CYBC1: variants seen among roughly 807,000 people sequenced by gnomAD.
The protein encoded by CYBC1 is essential for reactive oxygen species protein.
A neutral mutation model predicts 21.7 loss-of-function variants in CYBC1; 22 were observed. The observed-to-expected ratio is 1.02, with a 90% CI of 0.73 to 1.45. The LOEUF (loss-of-function observed/expected upper bound fraction) is 1.45. CYBC1 is among the 40% of genes most tolerant of loss of function. The pLI is 0.00. For missense variants in CYBC1, 237 were observed against 242.1 expected, an observed-to-expected ratio of 0.98 and a Z score of 0.14; for synonymous variants, 112 against 98.7, an observed-to-expected ratio of 1.13 and a Z score of -0.80.
At chr17:82,447,665 CCCCACCT>C in intron 2 of CYBC1, 44 bp from the exon 3 acceptor site, 1 of 1,546,568 alleles carries the variant, frequency 6.5e-7, no homozygotes, top group South Asian at 1.2e-5. Context: ...CCCGGTAAGA[CCCCACCT>C]CCCTGGTGCA....
Position 82,444,126 on chromosome 17 carries a change from T to A in CYBC1, c.444-2A>T, listed in dbSNP as rs761919979. 1.2e-6 allele frequency: 2 copies of A among 1,608,898 alleles called. No homozygotes were observed. The highest frequency in any genetic ancestry group is 1.7e-6 in the Non-Finnish European group (2 of 1,176,292). Reference sequence around the variant, plus strand: ...AGCTTGGCGATGGCTTCCACATCACTGGGCGAGGCCGGCAACGGGAGGAAG... The same window carrying A: ...AGCTTGGCGATGGCTTCCACATCACAGGGCGAGGCCGGCAACGGGAGGAAG... On this transcript the variant is annotated splice_acceptor_variant, in intron 6 of 6. Transcript: ENST00000306645. LOFTEE classifies it high-confidence loss of function.
chr17:82,445,807 C>T, intron 5 of CYBC1, 57 bp downstream of exon 5: 1 of 1,377,026 alleles, frequency 7.3e-7, no homozygotes, highest in Non-Finnish European at 1.0e-6. Context: ...CACCCAGACG[C>T]CCAAGTGCGC....
chr17:82,443,724 G>A lies in CYBC1; in HGVS notation c.*280C>T, dbSNP rs1400829268. 4 of 789,178 alleles carry A rather than the reference G, an allele frequency of 5.1e-6. No individual in the cohort carries two copies. The Admixed American group carries it at 6.8e-5, about 13-fold the overall frequency. 48.9% of individuals were successfully genotyped at this position (789,178 alleles called of 1,614,324 possible). On this transcript the variant is annotated 3_prime_UTR_variant, in exon 7 of 7. Transcript: ENST00000306645. This position sits in a 1 kb window ranked among gnomAD's most constrained non-coding sequence, Gnocchi z 6.7. ...AGTGTGCAAGCAGCAGCATGAGCAG[G>A]CAATAGGCCAACTCGGCTGGAGGCA... is the stretch of plus-strand genomic sequence containing the variant.
In CYBC1 at chr17:82,443,560, G is replaced by A. The variant is rs772568394; in HGVS notation, c.*444C>T. ...ACCCACAAGGGCCCGGCCTGGCCCCGCCTCTCCACTCGCCCGAGGTCTTGC... is the reference window on the plus strand; with the variant it reads ...ACCCACAAGGGCCCGGCCTGGCCCCACCTCTCCACTCGCCCGAGGTCTTGC... On this transcript the variant is annotated 3_prime_UTR_variant, in exon 7 of 7. Transcript: ENST00000306645. This position sits in a 1 kb window ranked among gnomAD's most constrained non-coding sequence, Gnocchi z 6.7. 15 of 688,508 alleles carry A rather than the reference G, an allele frequency of 2.2e-5. No individual in the cohort carries two copies. The highest frequency in any genetic ancestry group is 1.3e-4 in the South Asian group (9 of 66,708). The allele number at this position is 688,508 out of a possible 1,614,324, so 42.6% of individuals were successfully genotyped here. A position where few individuals can be genotyped will look rare whatever the true frequency, so the allele number is the denominator to read the frequency against.
At chr17:82,447,873 G>A (rs2054402493) in intron 2 of CYBC1, 1 of 589,722 alleles carries the variant, frequency 1.7e-6, no homozygotes, top group Non-Finnish European at 3.0e-6. Context: ...GGAAGGAAGA[G>A]CGCTTGAGCT....
intron 6 of CYBC1, 103 bp from the exon 7 acceptor site, chr17:82,444,227 C>A: frequency 6.6e-7 from 1 of 1,510,894 alleles, no homozygotes; most frequent in South Asian, 1.3e-5. Context: ...CCCGCAGACC[C>A]TGGAGCTCCC....
chr17:82,446,027 T>G, intron 4 of CYBC1, 67 bp from the exon 5 acceptor site: 2 of 1,278,186 alleles, frequency 1.6e-6, no homozygotes, highest in African/African-American at 1.5e-5. Flanking sequence ...CGCTGGGGCC[T>G]CACCCCCACC....
intron 5 of CYBC1, chr17:82,445,598 T>TCCAGACCCCTGCTCCTC: frequency 2.6e-6 from 1 of 386,924 alleles, no homozygotes; most frequent in Non-Finnish European, 4.7e-6. Flanking sequence ...CCCCTGCTCC[T>TCCAGACCCCTGCTCCTC]CAGACCCCTG....
chr17:82,447,485 C>A, intron 3 of CYBC1, 95 bp downstream of exon 3: 2 of 1,114,092 alleles, frequency 1.8e-6, no homozygotes, highest in Non-Finnish European at 2.6e-6. Flanking sequence ...TAAAGGCCGC[C>A]CCATGGACAG....
At position 82,449,308 on chromosome 17, in the gene CYBC1, G is replaced by A; in HGVS notation, c.-38-16C>T. On this transcript the variant is annotated splice_polypyrimidine_tract_variant and intron_variant, in intron 1 of 6. Transcript: ENST00000306645. ...GAGGAGGGGTCTGGGAACAGACAGA[G>A]GCAGCTGAGCCCTTGGGCCTGCACA... The A allele has an allele frequency of 7.0e-7, 1 of 1,426,640 alleles. No individual in the cohort carries two copies. The highest frequency in any genetic ancestry group is 9.4e-7 in the Non-Finnish European group (1 of 1,067,106). The allele number at this position is 1,426,640 out of a possible 1,614,324, so 88.4% of individuals were successfully genotyped here.
chr17:82,449,238 T>A lies in CYBC1; in HGVS notation c.17A>T (p.Glu6Val). The change falls in exon 2 of 7, where the codon GAG becomes GTG. Residue 6 changes from glutamate to valine, a missense_variant. Coordinates refer to ENST00000306645, the MANE Select transcript of CYBC1 (RefSeq NM_001033046.4). MYLQV[E>V]TRTSSRLHLK... ...ATGGAGGCGGGAGCTGGTGCGGGTC[T>A]CCACCTGCAGGTACATCCCGAGAGG... 6.3e-7 allele frequency: 1 copy of A among 1,574,998 alleles called. No homozygotes were observed.
rs139065636 is a variant in CYBC1 at position 82,449,024 on chromosome 17, A to G, written c.85+146T>C. On this transcript the variant is annotated intron_variant, in intron 2 of 6. Transcript: ENST00000306645. The stretch of plus-strand genomic sequence containing the variant: ...ATCTGTAAAACCAAGTACACCAGAT[A>G]GAATTTGAATGGATACAAAGAAACA... 2.9e-4 allele frequency: 191 copies of G among 657,474 alleles called. 2 individuals are homozygous for G. The East Asian group carries it at 5.2e-3, about 18-fold the overall frequency. 40.7% of individuals were successfully genotyped at this position (657,474 alleles called of 1,614,324 possible).
intron 3 of CYBC1, chr17:82,447,055 C>G: frequency 2.7e-6 from 1 of 366,184 alleles, no homozygotes; most frequent in Non-Finnish European, 5.0e-6. Context: ...ACACAGAAGA[C>G]TTAAGAAGTG....
In CYBC1 at chr17:82,444,463, C is replaced by A; in HGVS notation, c.427G>T (p.Val143Phe). ...CAGCCTTACCTGCGGTGGCCCATGA[C>A]TGCACTCTGCGTGAGGGGGTGGGAG... ...GFSHPLTQSA[V>F]MGHRSDVEAI... is the part of the protein sequence containing the mutation. The change falls in exon 6 of 7, where the codon GTC becomes TTC. Residue 143 changes from valine to phenylalanine, a missense_variant. By Grantham distance (50) the Val-to-Phe change is conservative. Transcript: ENST00000306645. 1 of 1,612,312 alleles carries A rather than the reference C, an allele frequency of 6.2e-7. No individual in the cohort carries two copies. The highest frequency in any genetic ancestry group is 1.7e-5 in the Admixed American group (1 of 59,946).
In CYBC1 at chr17:82,443,001, C is replaced by T; in HGVS notation, c.*1003G>A. On this transcript the variant is annotated 3_prime_UTR_variant, in exon 7 of 7. Transcript: ENST00000306645. The surrounding 1 kb of genome is among the most constrained non-coding windows in gnomAD (Gnocchi z 6.7). ...GAAGTCTGTAGCCGAGAGCCCAGCCCCCTCCTGCCAGGTCTTCCCAGGTTC... is the reference window on the plus strand; with the variant it reads ...GAAGTCTGTAGCCGAGAGCCCAGCCTCCTCCTGCCAGGTCTTCCCAGGTTC... 4.9e-6 allele frequency: 1 copy of T among 205,022 alleles called. No individual in the cohort carries two copies. Among genetic ancestry groups the T allele is most frequent in the Admixed American group, 5.2e-5 (1 of 19,266 alleles). The allele number at this position is 205,022 out of a possible 1,614,324, so 12.7% of individuals were successfully genotyped here. A position where few individuals can be genotyped will look rare whatever the true frequency, so the allele number is the denominator to read the frequency against.
rs752909503 is a variant in CYBC1, at chr17:82,443,754, C to A, written c.*250G>T. 1.1e-6 allele frequency: 1 copy of A among 926,752 alleles called. No homozygotes were observed. The highest frequency in any genetic ancestry group is 1.8e-6 in the Non-Finnish European group (1 of 566,118). The allele number at this position is 926,752 out of a possible 1,614,324, so 57.4% of individuals were successfully genotyped here. On this transcript the variant is annotated 3_prime_UTR_variant, in exon 7 of 7. Transcript: ENST00000306645. This position sits in a 1 kb window ranked among gnomAD's most constrained non-coding sequence, Gnocchi z 6.7. Reference sequence around the variant, plus strand: ...AGGCCAACTCGGCTGGAGGCACCAACTGAAGCCAAGGCCACGGGTCCTGTG... The same window carrying A: ...AGGCCAACTCGGCTGGAGGCACCAAATGAAGCCAAGGCCACGGGTCCTGTG...
chr17:82,445,819 G>A (rs756846540), intron 5 of CYBC1, 45 bp downstream of exon 5: 17 of 1,470,752 alleles, frequency 1.2e-5, no homozygotes, highest in Admixed American at 4.0e-5. Context: ...CAAGTGCGCC[G>A]CCTCTGTGGC....
At chr17:82,444,865 C>T (rs2054187342) in intron 5 of CYBC1, 3 of 462,268 alleles carry the variant, frequency 6.5e-6, no homozygotes, top group South Asian at 3.1e-5. Flanking sequence ...TGCGGGGACC[C>T]GCTCAGCGCG....
chr17:82,444,910 T>G, intron 5 of CYBC1: 1 of 256,792 alleles, frequency 3.9e-6, no homozygotes, highest in Non-Finnish European at 7.4e-6. Flanking sequence ...CCTCCAGGTC[T>G]CCCCAAGGTT....
Sources: allele counts gnomAD v4.1 joint callset, GRCh38; gene constraint gnomAD v4.1.1; non-coding constraint Gnocchi (gnomAD v3.1); transcripts MANE v1.5; gene names NCBI Gene and HGNC (gene_info 2026-07-23, HGNC 2026-07-21).